CDH4: variants seen among roughly 807,000 people sequenced by gnomAD.
CDH4 encodes cadherin-4.
CDH4 carries 33 observed loss-of-function variants against 86.0 expected under a neutral mutation model. The observed-to-expected ratio is 0.38, with a 90% CI of 0.29 to 0.51. The LOEUF is 0.51. Among genes scored for constraint, CDH4 ranks in the 20% least tolerant of loss-of-function variants. The pLI is 0.86. For synonymous variants in CDH4, 555 were observed against 549.4 expected (o/e 1.01, Z -0.14); for missense variants, 1,114 against 1,307.4 (o/e 0.85, Z 2.28).
intron 2 of CDH4, among the ~76,000 whole-genome samples, chr20:61,725,792 G>A (rs184422498): frequency 2.0e-5 from 3 of 152,166 alleles, no homozygotes; most frequent in South Asian, 2.1e-4. Flanking sequence ...GGGCTGGGAG[G>A]GGAGGTGGCC....
chr20:61,365,601 G>A (rs1276985770), intron 2 of CDH4, among the ~76,000 whole-genome samples: 1 of 152,096 alleles, frequency 6.6e-6, no homozygotes, highest in Admixed American at 6.6e-5. Context: ...GAATGACTGT[G>A]AGCCAGGATG....
chr20:61,256,253 C>T (rs971826095), intron 2 of CDH4, among the ~76,000 whole-genome samples: 4 of 152,318 alleles, frequency 2.6e-5, no homozygotes, highest in African/African-American at 9.6e-5. Context: ...GCACTGACTG[C>T]AGTCTGCTGT....
intron 2 of CDH4, among the ~76,000 whole-genome samples, chr20:61,292,135 A>G (rs776039253): frequency 1.3e-5 from 2 of 152,236 alleles, no homozygotes; most frequent in African/African-American, 4.8e-5. Flanking sequence ...ACTACTGGAT[A>G]TATACCCAGA....
Position 61,893,725 on chromosome 20 carries a change from GTGGATGGGTGGGTGAGTGGATGGATGGA to G in CDH4, c.1051-1174_1051-1147del, listed in dbSNP as rs1353704119. Among the ~76,000 whole-genome samples, 125 of 147,082 alleles carry G rather than the reference GTGGATGGGTGGGTGAGTGGATGGATGGA, an allele frequency of 8.5e-4. 6 individuals carry two copies. Among genetic ancestry groups the G allele is most frequent in the Admixed American group, 1.4e-3 (21 of 14,724 alleles). On this transcript the variant is annotated intron_variant, in intron 7 of 15. Transcript: ENST00000614565. ...GGATGGATGGGTGAATAGAGGGATG[GTGGATGGGTGGGTGAGTGGATGGATGGA>G]TGGATGGGTGAATAGAGGGATGGTG...
intron 4 of CDH4, among the ~76,000 whole-genome samples, chr20:61,827,919 ATT>A (rs1001668939): frequency 9.2e-5 from 14 of 152,210 alleles, no homozygotes; most frequent in Admixed American, 3.3e-4. Flanking sequence ...ATTCTTCAGG[ATT>A]CTTTACAAAT....
rs139015605 is a variant in CDH4 at position 61,699,812 on chromosome 20, C to T, written c.170-43751C>T. Among the ~76,000 whole-genome samples, 37 of 147,450 alleles carry T rather than the reference C, an allele frequency of 2.5e-4. 1 individual carries two copies. The East Asian group carries it at 5.0e-3, about 20-fold the overall frequency. On this transcript the variant is annotated intron_variant, in intron 2 of 15. Transcript: ENST00000614565. ...TGACCCGGGGCTTTCACCGCTGACC[C>T]GGGGCACACACATGTCGTGACCAGC... is the stretch of plus-strand genomic sequence containing the variant.
intron 2 of CDH4, chr20:61,499,376 C>A: frequency 9.1e-7 from 1 of 1,098,472 alleles, no homozygotes; most frequent in Non-Finnish European, 1.2e-6. Context: ...CTTGCTCTGC[C>A]CTGTTAAAGG....
chr20:61,279,515 C>T (rs952670982), intron 2 of CDH4, among the ~76,000 whole-genome samples: 3 of 152,026 alleles, frequency 2.0e-5, no homozygotes, highest in Admixed American at 2.0e-4. Context: ...CCTTCCATTT[C>T]CCACAGTCAC....
At chr20:61,495,800 G>A (rs947513550) in intron 2 of CDH4, among the ~76,000 whole-genome samples, 1 of 151,586 alleles carries the variant, frequency 6.6e-6, no homozygotes, top group African/African-American at 2.4e-5. Context: ...CTACTCGGGA[G>A]GCTGAGACAG....
In CDH4 at chr20:61,517,974, G is replaced by A. The variant is rs1600724839; in HGVS notation, c.170-225589G>A. ...GATTGCCCCTGGATGGGCCTCTCGT[G>A]TGGGGCTGGGGCAGGAGCTGCCTGC... On this transcript the variant is annotated intron_variant, in intron 2 of 15. Coordinates refer to ENST00000614565, the MANE Select transcript of CDH4 (RefSeq NM_001794.5). This position sits in a 1 kb window ranked among gnomAD's most constrained non-coding sequence, Gnocchi z 6.6. Among the ~76,000 whole-genome samples the A allele has an allele frequency of 6.6e-6, 1 of 151,738 alleles. No homozygotes were observed. The highest frequency in any genetic ancestry group is 2.0e-4 in the East Asian group (1 of 4,994).
intron 7 of CDH4, among the ~76,000 whole-genome samples, chr20:61,877,034 C>A (rs1434769804): frequency 6.6e-6 from 1 of 152,192 alleles, no homozygotes; most frequent in Non-Finnish European, 1.5e-5. Context: ...AGCCCACGAC[C>A]CCCTGGGGTT....
chr20:61,638,464 G>C (rs1600829414), intron 2 of CDH4, among the ~76,000 whole-genome samples: 1 of 152,154 alleles, frequency 6.6e-6, no homozygotes, highest in Non-Finnish European at 1.5e-5. Context: ...ATGAACAGAA[G>C]AGCAGGAAGT....
chr20:61,628,671 C>T (rs1374521388), intron 2 of CDH4, among the ~76,000 whole-genome samples: 1 of 152,218 alleles, frequency 6.6e-6, no homozygotes, highest in Non-Finnish European at 1.5e-5. Flanking sequence ...GGGTGCACCC[C>T]GCCCAGCGGG....
intron 2 of CDH4, among the ~76,000 whole-genome samples, chr20:61,430,113 T>C (rs2085238170): frequency 6.6e-6 from 1 of 152,224 alleles, no homozygotes; most frequent in African/African-American, 2.4e-5. Flanking sequence ...CCTATACTTA[T>C]CTGTGGACCA....
chr20:61,719,152 C>T (rs759131302), intron 2 of CDH4: 5 of 470,070 alleles, frequency 1.1e-5, no homozygotes, highest in African/African-American at 2.0e-5. Context: ...ATCTGAAAGC[C>T]ACACATAATT....
At chr20:61,694,639 C>G (rs1014876230) in intron 2 of CDH4, among the ~76,000 whole-genome samples, 1 of 151,712 alleles carries the variant, frequency 6.6e-6, no homozygotes, top group African/African-American at 2.4e-5. Flanking sequence ...GAAGTAAAAA[C>G]TCCTAAAAAC....
intron 9 of CDH4, among the ~76,000 whole-genome samples, chr20:61,919,927 G>GAAGTGTGA (rs2054950023): frequency 2.4e-4 from 8 of 32,680 alleles, no homozygotes; most frequent in East Asian, 2.0e-3. Context: ...TGGAAGCGTG[G>GAAGTGTGA]TGTCACGGTG....
intron 2 of CDH4, among the ~76,000 whole-genome samples, chr20:61,280,034 G>A (rs1054481589): frequency 2.6e-5 from 4 of 152,148 alleles, no homozygotes; most frequent in African/African-American, 4.8e-5. Flanking sequence ...CTGTGTGGGT[G>A]GGGCAGGCGG....
intron 2 of CDH4, among the ~76,000 whole-genome samples, chr20:61,693,190 G>A (rs1022649654): frequency 1.3e-5 from 2 of 152,128 alleles, no homozygotes; most frequent in African/African-American, 2.4e-5. Flanking sequence ...TGATGAAGGC[G>A]GGTACGAGCA....
Sources: allele counts gnomAD v4.1 joint callset (sites outside exome capture counted in the v4.1 genomes callset), GRCh38; gene constraint gnomAD v4.1.1; non-coding constraint Gnocchi (gnomAD v3.1); transcripts MANE v1.5; gene names NCBI Gene and HGNC (gene_info 2026-07-23, HGNC 2026-07-21).